SORCS1: variants seen among roughly 807,000 people sequenced by gnomAD.
SORCS1 encodes VPS10 domain-containing receptor SorCS1.
A neutral mutation model predicts 146.1 loss-of-function variants in SORCS1; 60 were observed. The observed-to-expected ratio is 0.41, with a 90% CI of 0.33 to 0.51. The LOEUF (loss-of-function observed/expected upper bound fraction) is 0.51, where lower values mean the gene tolerates loss of function less well. Among genes scored for constraint, SORCS1 ranks in the 20% least tolerant of loss-of-function variants. The probability of loss-of-function intolerance (pLI) is 0.21; values close to 1 mark genes in which losing one functional copy is unlikely to be tolerated. For synonymous variants in SORCS1, 637 were observed against 584.0 expected (o/e 1.09, Z -1.31); for missense variants, 1,352 against 1,487.6 (o/e 0.91, Z 1.50).
Position 106,647,007 on chromosome 10 carries a change from G to GTATATATATA in SORCS1, c.2475+5365_2475+5374dup, listed in dbSNP as rs57891596. Among the ~76,000 whole-genome samples the GTATATATATA allele has an allele frequency of 3.0e-5, 4 of 134,236 alleles. 1 individual carries two copies. Among genetic ancestry groups the GTATATATATA allele is most frequent in the African/African-American group, 8.2e-5 (3 of 36,690 alleles). 88.1% of individuals were successfully genotyped at this position (134,236 alleles called of 152,430 possible). On this transcript the variant is annotated intron_variant, in intron 18 of 25. Transcript: ENST00000263054. ...TGTATATATATGTGTGTTTGTATGT[G>GTATATATATA]TATATATATATATATATATATATAT...
chr10:106,719,833 C>T (rs1855656635), intron 6 of SORCS1, among the ~76,000 whole-genome samples: 3 of 152,294 alleles, frequency 2.0e-5, no homozygotes, highest in South Asian at 2.1e-4. Flanking sequence ...GGAATAAAGA[C>T]AGATGACACG....
At chr10:106,661,825 C>T (rs1264026656) in intron 17 of SORCS1, among the ~76,000 whole-genome samples, 1 of 152,232 alleles carries the variant, frequency 6.6e-6, no homozygotes, top group Non-Finnish European at 1.5e-5. Context: ...TTGTATTTCA[C>T]TCTCAATCCC....
intron 1 of SORCS1, among the ~76,000 whole-genome samples, chr10:107,084,460 C>G (rs1293566682): frequency 6.6e-6 from 1 of 151,832 alleles, no homozygotes; most frequent in Admixed American, 6.6e-5. Context: ...GAAGACAAAT[C>G]TCTGTTTAAG....
At chr10:107,171,850 G>C in the SORCS1 span, among the ~76,000 whole-genome samples, 1 of 152,268 alleles carries the variant, frequency 6.6e-6, no homozygotes, top group African/African-American at 2.4e-5. Flanking sequence ...ATCTTTTGGA[G>C]ATACTATAGA....
chr10:106,901,258 T>C (rs1174155638), intron 2 of SORCS1, among the ~76,000 whole-genome samples: 1 of 152,212 alleles, frequency 6.6e-6, no homozygotes, highest in African/African-American at 2.4e-5. Context: ...CCCAATGCAA[T>C]GCACAAAGCA....
At chr10:107,162,273 C>A (rs1969771109) in intron 1 of SORCS1, among the ~76,000 whole-genome samples, 1 of 152,166 alleles carries the variant, frequency 6.6e-6, no homozygotes, top group Admixed American at 6.5e-5. Context: ...AGTCCAAAGT[C>A]TTTTACTTCT....
intron 2 of SORCS1, among the ~76,000 whole-genome samples, chr10:106,920,678 G>C (rs1952669971): frequency 1.3e-5 from 2 of 152,218 alleles, no homozygotes; most frequent in South Asian, 4.1e-4. Flanking sequence ...AAAGCGTGTA[G>C]GAAGTGAGGG....
At chr10:106,637,927 G>T (rs1848822387) in intron 18 of SORCS1, among the ~76,000 whole-genome samples, 1 of 152,122 alleles carries the variant, frequency 6.6e-6, no homozygotes, top group South Asian at 2.1e-4. Flanking sequence ...TCCCTTTTAT[G>T]TCTTCTGTAC....
chr10:106,970,701 A>T (rs1264547353), intron 1 of SORCS1, among the ~76,000 whole-genome samples: 1 of 151,612 alleles, frequency 6.6e-6, no homozygotes, highest in Non-Finnish European at 1.5e-5. Context: ...TCTGGGCTAC[A>T]TCAACCAAAA....
chr10:107,090,963 G>C (rs892900746), intron 1 of SORCS1, among the ~76,000 whole-genome samples: 2 of 152,064 alleles, frequency 1.3e-5, no homozygotes, highest in African/African-American at 2.4e-5. Flanking sequence ...CAATTGGTGA[G>C]TGAAATGAAA....
At chr10:106,756,778 G>T (rs1430438339) in intron 5 of SORCS1, among the ~76,000 whole-genome samples, 4 of 152,052 alleles carry the variant, frequency 2.6e-5, no homozygotes, top group African/African-American at 9.7e-5. Flanking sequence ...CTTGAAACTT[G>T]TATTTGTTTT....
At chr10:106,989,128 G>T (rs1956623098) in intron 1 of SORCS1, among the ~76,000 whole-genome samples, 1 of 151,128 alleles carries the variant, frequency 6.6e-6, no homozygotes, top group Admixed American at 6.6e-5. Context: ...AAATTAGCTG[G>T]TCGTGGTGGT....
At chr10:106,908,868 G>T (rs1191279201) in intron 2 of SORCS1, among the ~76,000 whole-genome samples, 1 of 152,138 alleles carries the variant, frequency 6.6e-6, no homozygotes, top group Non-Finnish European at 1.5e-5. Context: ...TCTGCCCTAG[G>T]CATCTTCAGC....
chr10:107,147,449 T>A (rs1169076136), intron 1 of SORCS1, among the ~76,000 whole-genome samples: 1 of 152,162 alleles, frequency 6.6e-6, no homozygotes, highest in Non-Finnish European at 1.5e-5. Flanking sequence ...ACAAGGGAGC[T>A]GTTGCCTCCA....
intron 1 of SORCS1, among the ~76,000 whole-genome samples, chr10:107,146,733 T>A (rs1285043196): frequency 6.6e-6 from 1 of 152,156 alleles, no homozygotes; most frequent in Non-Finnish European, 1.5e-5. Flanking sequence ...CTGGTGTTTT[T>A]AGACCCCAAC....
intron 3 of SORCS1, among the ~76,000 whole-genome samples, chr10:106,823,803 C>G (rs1948167549): frequency 6.6e-6 from 1 of 152,192 alleles, no homozygotes; most frequent in Admixed American, 6.5e-5. Context: ...CTTTCAAGGT[C>G]TAATGATCTT....
chr10:106,988,945 C>G (rs1956613301), intron 1 of SORCS1, among the ~76,000 whole-genome samples: 1 of 151,674 alleles, frequency 6.6e-6, no homozygotes, highest in Non-Finnish European at 1.5e-5. Flanking sequence ...CTTTTTTCCT[C>G]TAATGTAAAT....
intron 1 of SORCS1, among the ~76,000 whole-genome samples, chr10:106,957,277 A>C (rs780839652): frequency 1.3e-4 from 20 of 150,540 alleles, no homozygotes; most frequent in Non-Finnish European, 2.7e-4. Flanking sequence ...AGGTTCAAGC[A>C]ATTCTCCTGC....
intron 23 of SORCS1, chr10:106,600,269 C>T: frequency 1.1e-6 from 1 of 923,448 alleles, no homozygotes. Flanking sequence ...GTTTCATTGG[C>T]TCTATCTGTG....
Sources: allele counts gnomAD v4.1 joint callset (sites outside exome capture counted in the v4.1 genomes callset), GRCh38; gene constraint gnomAD v4.1.1; transcripts MANE v1.5; gene names NCBI Gene and HGNC (gene_info 2026-07-23, HGNC 2026-07-21).